The following TCF24 variants were observed in gnomAD, a reference collection of about 807,000 sequenced individuals.
TCF24 encodes transcription factor 24.
TCF24 carries 5 observed loss-of-function variants against 9.3 expected under a neutral mutation model. That is an observed-to-expected ratio of 0.54 (90% CI 0.28 to 1.13). TCF24 has a LOEUF of 1.13. TCF24 is among the 50% of genes most tolerant of loss of function. The probability of loss-of-function intolerance (pLI) is 0.09; values close to 1 mark genes in which losing one functional copy is unlikely to be tolerated. For missense variants in TCF24, 220 were observed against 236.1 expected (o/e 0.93, Z 0.45); for synonymous variants, 110 against 115.8 (o/e 0.95, Z 0.32).
Position 66,947,743 on chromosome 8 carries a change from C to T in TCF24, c.*308G>A, listed in dbSNP as rs1017834523. ...TGAACTTTTCTGTTTGTAATAGATA[C>T]ACTATAGCAATATCTATATTGCATT... On this transcript the variant is annotated 3_prime_UTR_variant, in exon 4 of 4. Transcript: ENST00000563496. 4.4e-5 allele frequency: 8 copies of T among 183,758 alleles called. No homozygotes were observed. The highest frequency in any genetic ancestry group is 1.6e-4 in the African/African-American group (7 of 42,600). 11.4% of individuals were successfully genotyped at this position (183,758 alleles called of 1,614,324 possible).
At chr8:66,949,426 A>G (rs2130896900) in intron 3 of TCF24, among the ~76,000 whole-genome samples, 1 of 152,276 alleles carries the variant, frequency 6.6e-6, no homozygotes, top group Non-Finnish European at 1.5e-5. Flanking sequence ...CCTACAAAGG[A>G]CATGAACTCA....
At chr8:66,954,082 T>G (rs1182047255) in intron 3 of TCF24, among the ~76,000 whole-genome samples, 2 of 152,246 alleles carry the variant, frequency 1.3e-5, no homozygotes, top group Non-Finnish European at 2.9e-5. Context: ...GTCTGAAGCC[T>G]TCTTCTCTCA....
At chr8:66,951,486 C>T (rs568102582) in intron 3 of TCF24, among the ~76,000 whole-genome samples, 23 of 151,344 alleles carry the variant, frequency 1.5e-4, no homozygotes, top group African/African-American at 1.9e-4. Flanking sequence ...CTGCTGGATT[C>T]GTTTTGCCAG....
At chr8:66,962,239 C>CG (rs2130903801) in intron 1 of TCF24, 90 bp downstream of exon 1, 1 of 152,390 alleles carries the variant, frequency 6.6e-6, no homozygotes, top group South Asian at 2.1e-4. Flanking sequence ...GCCCGAGGAG[C>CG]GGGGGACCCT....
In TCF24 at chr8:66,961,719, T is replaced by G. The variant is rs1187462283; in HGVS notation, c.47A>C (p.Glu16Ala). 1 of 1,102,610 alleles carries G rather than the reference T, an allele frequency of 9.1e-7. No individual in the cohort carries two copies. Among genetic ancestry groups the G allele is most frequent in the Non-Finnish European group, 1.1e-6 (1 of 906,130 alleles). The allele number at this position is 1,102,610 out of a possible 1,614,324, so 68.3% of individuals were successfully genotyped here. A position where few individuals can be genotyped will look rare whatever the true frequency, so the allele number is the denominator to read the frequency against. Residue 16 changes from glutamate to alanine, a missense_variant, in exon 3 of 4, where the codon GAG becomes GCG. Transcript: ENST00000563496. ...PAGSPLSASA[E>A]PAPLAAAIRD... ...GATGGCGGCGGCCAGGGGCGCGGGCTCGGCGCTGGCGCTGAGGGGGCTGCC... is the reference window on the plus strand; with the variant it reads ...GATGGCGGCGGCCAGGGGCGCGGGCGCGGCGCTGGCGCTGAGGGGGCTGCC...
intron 3 of TCF24, among the ~76,000 whole-genome samples, chr8:66,954,200 T>C (rs1042219308): frequency 7.1e-4 from 108 of 152,276 alleles, no homozygotes; most frequent in African/African-American, 2.5e-3. Flanking sequence ...AGTATTTCTG[T>C]TCTGTTTTTC....
At chr8:66,948,218 T>C in intron 3 of TCF24, 54 bp from the exon 4 acceptor site, 6 of 1,269,772 alleles carry the variant, frequency 4.7e-6, no homozygotes, top group Non-Finnish European at 6.5e-6. Flanking sequence ...TGACATATAT[T>C]AACATGGTCT....
At position 66,948,063 on chromosome 8, in the gene TCF24, G is replaced by A. The variant is rs1176573413; in HGVS notation, c.492C>T (p.Asp164=). 6.5e-7 allele frequency: 1 copy of A among 1,532,570 alleles called. No homozygotes were observed. Among genetic ancestry groups the A allele is most frequent in the Non-Finnish European group, 8.7e-7 (1 of 1,145,794 alleles). The allele number at this position is 1,532,570 out of a possible 1,614,324, so 94.9% of individuals were successfully genotyped here. The change falls in exon 4 of 4, where the codon GAC becomes GAT. Residue 164 remains aspartate (D), a synonymous_variant. Coordinates refer to ENST00000563496, the MANE Select transcript of TCF24 (RefSeq NM_001193502.2). ...ACCAGGGGAGAGCCTAAGGCTGTGA[G>A]TCTGTTGGAGTGTTGTCATGATTTG... ...EKTNHDNTPT[D]SQP is the part of the protein sequence containing the mutation.
At chr8:66,954,540 T>C (rs1489783765) in intron 3 of TCF24, among the ~76,000 whole-genome samples, 9 of 152,218 alleles carry the variant, frequency 5.9e-5, no homozygotes, top group Admixed American at 3.9e-4. Context: ...GTTACTGCTG[T>C]CTTTTTGTTT....
rs1192717076 is a variant in TCF24, at chr8:66,947,368, A to C, written c.*683T>G. The C allele has an allele frequency of 6.6e-6, 1 of 152,058 alleles. No individual in the cohort carries two copies. The highest frequency in any genetic ancestry group is 6.6e-5 in the Admixed American group (1 of 15,250). The allele number at this position is 152,058 out of a possible 1,614,324, so 9.4% of individuals were successfully genotyped here. On this transcript the variant is annotated 3_prime_UTR_variant, in exon 4 of 4. Transcript: ENST00000563496. ...GTGGTGACATGCACCTACATTGTGA[A>C]CTCTGCTGTCCGCTGACACCTGGTC... is the stretch of plus-strand genomic sequence containing the variant.
chr8:66,948,593 A>T (rs1304672887), intron 3 of TCF24, among the ~76,000 whole-genome samples: 3 of 152,228 alleles, frequency 2.0e-5, no homozygotes, highest in African/African-American at 7.2e-5. Context: ...ACTATATTTT[A>T]AAAAGTTCTA....
At chr8:66,958,172 T>C (rs1814194111) in intron 3 of TCF24, among the ~76,000 whole-genome samples, 1 of 152,198 alleles carries the variant, frequency 6.6e-6, no homozygotes, top group Non-Finnish European at 1.5e-5. Context: ...GAAATTAAAA[T>C]GTACATAGAA....
At chr8:66,957,921 A>C (rs1320480294) in intron 3 of TCF24, among the ~76,000 whole-genome samples, 5 of 151,264 alleles carry the variant, frequency 3.3e-5, no homozygotes, top group African/African-American at 1.2e-4. Context: ...AAAAAAAAAA[A>C]AAAGAATTGC....
intron 3 of TCF24, among the ~76,000 whole-genome samples, chr8:66,960,488 T>C (rs1270591538): frequency 6.6e-6 from 1 of 152,098 alleles, no homozygotes; most frequent in African/African-American, 2.4e-5. Context: ...ACTGAAAATT[T>C]AGGTTTAGCA....
At chr8:66,948,791 G>T (rs1437432720) in intron 3 of TCF24, among the ~76,000 whole-genome samples, 1 of 152,090 alleles carries the variant, frequency 6.6e-6, no homozygotes, top group Non-Finnish European at 1.5e-5. Flanking sequence ...CATCTCCTGG[G>T]TTCAAGTGAT....
chr8:66,956,649 A>T (rs1028391422), intron 3 of TCF24, among the ~76,000 whole-genome samples: 2 of 152,220 alleles, frequency 1.3e-5, no homozygotes, highest in Non-Finnish European at 2.9e-5. Flanking sequence ...AGTGTAAGCC[A>T]CCACGCCCAG....
rs1185111090 is a variant in TCF24, at chr8:66,962,446, C to G, written c.-252G>C. On this transcript the variant is annotated 5_prime_UTR_variant, in exon 1 of 4. Transcript: ENST00000563496. ...ACTCCATCCTCGTCCGGCCGATGCC[C>G]AAGTCGACGGCTGTTTCCAACCTCC... 2 of 152,696 alleles carry G rather than the reference C, an allele frequency of 1.3e-5. No homozygotes were observed. Among genetic ancestry groups the G allele is most frequent in the Admixed American group, 1.3e-4 (2 of 15,290 alleles). 9.5% of individuals were successfully genotyped at this position (152,696 alleles called of 1,614,324 possible). A position where few individuals can be genotyped will look rare whatever the true frequency, so the allele number is the denominator to read the frequency against.
chr8:66,955,112 T>G (rs1814132323), intron 3 of TCF24: 1 of 152,742 alleles, frequency 6.5e-6, no homozygotes, highest in Admixed American at 6.5e-5. Flanking sequence ...CCATCTTGGC[T>G]CCTCCCCTCG....
intron 3 of TCF24, among the ~76,000 whole-genome samples, chr8:66,957,417 CA>C (rs60795431): frequency 0.85 from 92,181 of 108,462 alleles, 39,342 homozygotes; most frequent in East Asian, 0.95. Flanking sequence ...AACTCCATAT[CA>C]AAAAAAAAAA....
Sources: gnomAD v4.1 joint callset for allele counts (sites outside exome capture counted in the v4.1 genomes callset) on GRCh38, gnomAD v4.1.1 for gene constraint, MANE v1.5 for transcripts, NCBI Gene and HGNC (gene_info 2026-07-23, HGNC 2026-07-21) for gene names.